PTPN14: variants seen among roughly 807,000 people sequenced by gnomAD.
PTPN14 encodes tyrosine-protein phosphatase non-receptor type 14.
In PTPN14, 53 loss-of-function variants were observed where a neutral mutation model predicts 126.8. The ratio of observed to expected loss-of-function variants is 0.42; its 90% CI spans 0.34 to 0.53. The LOEUF (loss-of-function observed/expected upper bound fraction) is 0.53. PTPN14 is among the 20% of genes least tolerant of loss of function. The pLI, the probability that PTPN14 is intolerant of heterozygous loss-of-function variation, is 0.08. For missense variants in PTPN14, 1,257 were observed against 1,552.9 expected (o/e 0.81, Z 3.20); for synonymous variants, 630 against 599.3 (o/e 1.05, Z -0.75).
rs182242297 is a variant in PTPN14 at position 214,504,116 on chromosome 1, C to T, written c.-154-39159G>A. Among the ~76,000 whole-genome samples the T allele has an allele frequency of 1.0e-3, 159 of 152,274 alleles. 1 individual carries two copies. Among genetic ancestry groups the T allele is most frequent in the African/African-American group, 3.5e-3 (147 of 41,566 alleles). ...ACTAGTAATGAGAATGTGGAAAACTCAGCTTAAAACTAAAGAAAAATCTTT... is the reference window on the plus strand; with the variant it reads ...ACTAGTAATGAGAATGTGGAAAACTTAGCTTAAAACTAAAGAAAAATCTTT... On this transcript the variant is annotated intron_variant, in intron 1 of 18. Coordinates refer to ENST00000366956, the MANE Select transcript of PTPN14 (RefSeq NM_005401.5).
intron 1 of PTPN14, chr1:214,528,654 G>C (rs1251752716): frequency 6.6e-6 from 1 of 152,178 alleles, no homozygotes; most frequent in African/African-American, 2.4e-5. Context: ...ATGGGGGCTG[G>C]GCGCAGTGGC....
Position 214,348,755 on chromosome 1 carries a change from A to G in PTPN14, c.*9167T>C, listed in dbSNP as rs948881146. The G allele has an allele frequency of 2.0e-5, 3 of 152,344 alleles. No homozygotes were observed. The highest frequency in any genetic ancestry group is 7.2e-5 in the African/African-American group (3 of 41,574). The allele number at this position is 152,344 out of a possible 1,614,324, so 9.4% of individuals were successfully genotyped here. On this transcript the variant is annotated 3_prime_UTR_variant, in exon 19 of 19. Transcript: ENST00000366956. ...GGAAATCAATAGATATCTTTTACAAAAAAAGGTTAGAATAAAGATCTCACA... is the reference window on the plus strand; with the variant it reads ...GGAAATCAATAGATATCTTTTACAAGAAAAGGTTAGAATAAAGATCTCACA...
chr1:214,423,478 T>G (rs1313237195), intron 3 of PTPN14, among the ~76,000 whole-genome samples: 4 of 152,204 alleles, frequency 2.6e-5, no homozygotes, highest in Non-Finnish European at 5.9e-5. Flanking sequence ...ACTGTAACCA[T>G]GAGCCCACTT....
intron 3 of PTPN14, among the ~76,000 whole-genome samples, chr1:214,426,072 GA>G (rs1204533007): frequency 8.7e-6 from 1 of 114,632 alleles, no homozygotes; most frequent in Non-Finnish European, 1.9e-5. Context: ...AGGAAGAAGA[GA>G]AAAAAACTAC....
At chr1:214,363,570 G>C (rs1429524783) in intron 18 of PTPN14, among the ~76,000 whole-genome samples, 6 of 152,168 alleles carry the variant, frequency 3.9e-5, no homozygotes. Flanking sequence ...TTTGGAGGCA[G>C]AGTGAAGACA....
At chr1:214,526,497 TTAAG>T (rs1571647115) in intron 1 of PTPN14, among the ~76,000 whole-genome samples, 1 of 151,526 alleles carries the variant, frequency 6.6e-6, no homozygotes, top group Admixed American at 6.6e-5. Flanking sequence ...TTAGAATCTG[TTAAG>T]TAAGGACTCA....
At chr1:214,542,360 C>A (rs1040606912) in intron 1 of PTPN14, among the ~76,000 whole-genome samples, 4 of 152,208 alleles carry the variant, frequency 2.6e-5, no homozygotes, top group Non-Finnish European at 5.9e-5. Flanking sequence ...AGAGAGGGGA[C>A]AGCATACACA....
intron 3 of PTPN14, among the ~76,000 whole-genome samples, chr1:214,424,994 G>C (rs1164891330): frequency 6.6e-6 from 1 of 151,910 alleles, no homozygotes; most frequent in Non-Finnish European, 1.5e-5. Context: ...CAGAGGTTAT[G>C]CCACGTTGGC....
chr1:214,488,715 G>C (rs369259876), intron 1 of PTPN14, among the ~76,000 whole-genome samples: 1 of 152,270 alleles, frequency 6.6e-6, no homozygotes, highest in East Asian at 1.9e-4. Flanking sequence ...AATCTAGTGG[G>C]GATGAATTCT....
rs1657650401 is a variant in PTPN14 at position 214,348,839 on chromosome 1, CA to C, written c.*9082del. On this transcript the variant is annotated 3_prime_UTR_variant, in exon 19 of 19. Coordinates refer to ENST00000366956, the MANE Select transcript of PTPN14 (RefSeq NM_005401.5). ...AGCACAAGGGCAGTGAGAACATCAA[CA>C]AGGTCCAATATCTAAATAAGACTTT... 6.6e-6 allele frequency: 1 copy of C among 152,158 alleles called. No individual in the cohort carries two copies. Among genetic ancestry groups the C allele is most frequent in the Non-Finnish European group, 1.5e-5 (1 of 68,012 alleles). 9.4% of individuals were successfully genotyped at this position (152,158 alleles called of 1,614,324 possible).
chr1:214,530,082 T>C (rs1384677188), intron 1 of PTPN14: 3 of 152,116 alleles, frequency 2.0e-5, no homozygotes, highest in Non-Finnish European at 2.9e-5. Context: ...CAGGCCTTCT[T>C]AGGTCAACAA....
At chr1:214,470,795 A>AC (rs1425550518) in intron 1 of PTPN14, among the ~76,000 whole-genome samples, 14 of 150,016 alleles carry the variant, frequency 9.3e-5, no homozygotes, top group African/African-American at 3.4e-4. Context: ...AAAAAAAAAA[A>AC]AAAAAACTGC....
intron 1 of PTPN14, among the ~76,000 whole-genome samples, chr1:214,499,449 T>C (rs971290431): frequency 6.6e-6 from 1 of 152,132 alleles, no homozygotes; most frequent in Non-Finnish European, 1.5e-5. Context: ...CTATCAACTA[T>C]TGGCCTCTGG....
intron 1 of PTPN14, among the ~76,000 whole-genome samples, chr1:214,474,623 AG>A (rs1269459665): frequency 1.3e-5 from 2 of 152,202 alleles, no homozygotes; most frequent in African/African-American, 4.8e-5. Flanking sequence ...TACATTTTTA[AG>A]TAAGTCCCAT....
intron 1 of PTPN14, among the ~76,000 whole-genome samples, chr1:214,539,945 T>C (rs899019223): frequency 2.0e-5 from 3 of 152,182 alleles, no homozygotes; most frequent in Non-Finnish European, 4.4e-5. Flanking sequence ...AGACACTTCT[T>C]AGGTAAAACA....
At chr1:214,535,291 C>T (rs1655675133) in intron 1 of PTPN14, among the ~76,000 whole-genome samples, 3 of 152,266 alleles carry the variant, frequency 2.0e-5, no homozygotes, top group Admixed American at 2.0e-4. Flanking sequence ...ATATTCATAA[C>T]AGAAATATTT....
chr1:214,373,702 A>T (rs561470467), intron 15 of PTPN14, among the ~76,000 whole-genome samples: 2 of 75,446 alleles, frequency 2.7e-5, no homozygotes, highest in East Asian at 2.9e-4. Context: ...TAAACAATAA[A>T]AAAAAAAAAA....
intron 5 of PTPN14, among the ~76,000 whole-genome samples, chr1:214,410,027 T>C (rs184313941): frequency 7.2e-4 from 109 of 152,292 alleles, no homozygotes; most frequent in African/African-American, 2.5e-3. Context: ...GTAGTTTGAG[T>C]TCCTTATATA....
At chr1:214,476,958 C>T (rs1660881674) in intron 1 of PTPN14, among the ~76,000 whole-genome samples, 1 of 152,210 alleles carries the variant, frequency 6.6e-6, no homozygotes, top group African/African-American at 2.4e-5. Context: ...AATACCACAG[C>T]TGTAAAAATG....
Sources: gnomAD v4.1 joint callset for allele counts (sites outside exome capture counted in the v4.1 genomes callset) on GRCh38, gnomAD v4.1.1 for gene constraint, MANE v1.5 for transcripts, NCBI Gene and HGNC (gene_info 2026-07-23, HGNC 2026-07-21) for gene names.